HMG20A: variants seen among roughly 807,000 people sequenced by gnomAD.
HMG20A encodes high mobility group protein 20A.
Under a neutral mutation model 43.9 loss-of-function variants are expected in HMG20A, and 17 were observed. That is an observed-to-expected ratio of 0.39 (90% CI 0.27 to 0.58). The LOEUF (loss-of-function observed/expected upper bound fraction) is 0.58. HMG20A is among the 20% of genes least tolerant of loss of function. The probability of loss-of-function intolerance (pLI) is 0.59; values close to 1 mark genes in which losing one functional copy is unlikely to be tolerated. For synonymous variants in HMG20A, 132 were observed against 147.5 expected (o/e 0.89, Z 0.76); for missense variants, 341 against 438.2 (o/e 0.78, Z 1.98).
chr15:77,499,916 G>A, the HMG20A span, among the ~76,000 whole-genome samples: 2 of 150,566 alleles, frequency 1.3e-5, no homozygotes, highest in African/African-American at 4.9e-5. Context: ...TGCAACCTCC[G>A]CCTCCCAGGT....
chr15:77,518,322 C>G, the HMG20A span, among the ~76,000 whole-genome samples: 1 of 152,224 alleles, frequency 6.6e-6, no homozygotes, highest in Non-Finnish European at 1.5e-5. Context: ...ACCAACCCCT[C>G]TCATAAACAC....
chr15:77,434,758 T>C (rs2073528080), intron 1 of HMG20A, among the ~76,000 whole-genome samples: 1 of 152,198 alleles, frequency 6.6e-6, no homozygotes, highest in African/African-American at 2.4e-5. Context: ...GTATTGATGA[T>C]GTGAAGACAC....
chr15:77,477,656 T>C, intron 7 of HMG20A, 26 bp downstream of exon 7: 1 of 1,510,902 alleles, frequency 6.6e-7, no homozygotes, highest in East Asian at 2.3e-5. Context: ...TCTTTTTGTG[T>C]TTCTCAGATT....
At chr15:77,506,245 C>G in the HMG20A span, among the ~76,000 whole-genome samples, 1 of 152,056 alleles carries the variant, frequency 6.6e-6, no homozygotes, top group African/African-American at 2.4e-5. Context: ...TATCCCACCC[C>G]GATCCCAGCC....
chr15:77,472,073 G>A (rs942747971), intron 6 of HMG20A, among the ~76,000 whole-genome samples: 10 of 151,760 alleles, frequency 6.6e-5, no homozygotes, highest in Non-Finnish European at 1.0e-4. Context: ...TGCCAAAGAT[G>A]GCTGGAATTT....
At chr15:77,452,622 A>G (rs2072614434) in intron 1 of HMG20A, among the ~76,000 whole-genome samples, 1 of 152,240 alleles carries the variant, frequency 6.6e-6, no homozygotes, top group East Asian at 1.9e-4. Flanking sequence ...CAAAGGCATA[A>G]ATGTTAAGAG....
chr15:77,477,482 C>G, intron 6 of HMG20A, 73 bp from the exon 7 acceptor site: 1 of 1,036,866 alleles, frequency 9.6e-7, no homozygotes, highest in Non-Finnish European at 1.5e-6. Flanking sequence ...AAGACATGAT[C>G]ATTGTCTTCA....
chr15:77,450,293 G>A (rs1353812712), intron 1 of HMG20A, among the ~76,000 whole-genome samples: 1 of 152,000 alleles, frequency 6.6e-6, no homozygotes, highest in Non-Finnish European at 1.5e-5. Flanking sequence ...ACCACACCCG[G>A]CTAATTTTTT....
chr15:77,463,199 A>G (rs1411754559), intron 2 of HMG20A, among the ~76,000 whole-genome samples: 1 of 152,074 alleles, frequency 6.6e-6, no homozygotes, highest in Non-Finnish European at 1.5e-5. Context: ...AGTTCTTTCT[A>G]TCTGGAATCG....
At chr15:77,451,627 G>A (rs1467319996) in intron 1 of HMG20A, among the ~76,000 whole-genome samples, 1 of 152,174 alleles carries the variant, frequency 6.6e-6, no homozygotes, top group African/African-American at 2.4e-5. Flanking sequence ...CATGGGTTCT[G>A]CAGGGCCAAT....
At chr15:77,472,397 C>A (rs1175919597) in intron 6 of HMG20A, among the ~76,000 whole-genome samples, 1 of 152,198 alleles carries the variant, frequency 6.6e-6, no homozygotes, top group African/African-American at 2.4e-5. Flanking sequence ...GCCTCAGCCT[C>A]CCGAGTAGCT....
At chr15:77,448,688 C>A (rs529999062) in intron 1 of HMG20A, among the ~76,000 whole-genome samples, 4 of 152,020 alleles carry the variant, frequency 2.6e-5, no homozygotes, top group South Asian at 4.2e-4. Flanking sequence ...TGCTGTATTC[C>A]CAATGCATAG....
chr15:77,458,308 T>C (rs2142324744), intron 1 of HMG20A, 96 bp from the exon 2 acceptor site: 1 of 741,062 alleles, frequency 1.3e-6, no homozygotes, highest in South Asian at 1.7e-5. Context: ...CTGTTGCTTA[T>C]ATGATAAAGT....
the HMG20A span, among the ~76,000 whole-genome samples, chr15:77,506,192 A>G: frequency 4.9e-4 from 75 of 151,924 alleles, no homozygotes; most frequent in Non-Finnish European, 2.9e-5. Context: ...GAAAAGTTCA[A>G]CTTTAACTGG....
chr15:77,478,707 G>T (rs1407511013), intron 8 of HMG20A, among the ~76,000 whole-genome samples, 197 bp downstream of exon 8: 3 of 152,168 alleles, frequency 2.0e-5, no homozygotes, highest in Non-Finnish European at 2.9e-5. Context: ...AGGCTCTCTG[G>T]TCATTCAAAT....
rs543470891 is a variant in HMG20A, at chr15:77,440,713, C to T, written c.-4-17691C>T. On this transcript the variant is annotated intron_variant, in intron 1 of 9. Transcript: ENST00000336216. ...TTGCTTATAGACTCAGATTTTCTGC[C>T]CAGAAGAATCATATGTCACTCACTT... Among the ~76,000 whole-genome samples, 41 of 152,188 alleles carry T rather than the reference C, an allele frequency of 2.7e-4. No individual in the cohort carries two copies. In the East Asian group the frequency reaches 6.9e-3, roughly 26 times the overall value.
chr15:77,517,248 C>T, the HMG20A span, among the ~76,000 whole-genome samples: 1 of 152,214 alleles, frequency 6.6e-6, no homozygotes, highest in African/African-American at 2.4e-5. Context: ...AGGTCTTAAT[C>T]CTCTACAATG....
At chr15:77,443,379 G>GATGATGACT (rs576920554) in intron 1 of HMG20A, among the ~76,000 whole-genome samples, 1 of 131,332 alleles carries the variant, frequency 7.6e-6, no homozygotes, top group Non-Finnish European at 1.6e-5. Flanking sequence ...TGATGATGAT[G>GATGATGACT]ATTATTATTA....
intron 6 of HMG20A, among the ~76,000 whole-genome samples, chr15:77,472,479 T>C (rs2072818777): frequency 6.6e-6 from 1 of 152,222 alleles, no homozygotes; most frequent in Admixed American, 6.5e-5. Flanking sequence ...TTTCATCATA[T>C]GAGCCAGGAT....
Sources: gnomAD v4.1 joint callset for allele counts (sites outside exome capture counted in the v4.1 genomes callset) on GRCh38, gnomAD v4.1.1 for gene constraint, MANE v1.5 for transcripts, NCBI Gene and HGNC (gene_info 2026-07-23, HGNC 2026-07-21) for gene names.